Variants in CGGBP1 observed in about 807,000 individuals in gnomAD.
The protein encoded by CGGBP1 is CGG triplet repeat binding protein 1.
A neutral mutation model predicts 11.4 loss-of-function variants in CGGBP1; 4 were observed. That is an observed-to-expected ratio of 0.35 (90% CI 0.17 to 0.80). The LOEUF (loss-of-function observed/expected upper bound fraction) is 0.80, where lower values mean the gene tolerates loss of function less well. Among genes scored for constraint, CGGBP1 ranks in the 30% least tolerant of loss-of-function variants. The pLI, the probability that CGGBP1 is intolerant of heterozygous loss-of-function variation, is 0.52. For synonymous variants in CGGBP1, 76 were observed against 74.1 expected (o/e 1.03, Z -0.13); for missense variants, 135 against 202.1 (o/e 0.67, Z 2.01).
At chr3:88,070,825 C>T (rs1707470497) in intron 2 of CGGBP1, among the ~76,000 whole-genome samples, 2 of 152,078 alleles carry the variant, frequency 1.3e-5, no homozygotes. Flanking sequence ...AGCTGAGACT[C>T]AGAGAGATTA....
intron 1 of CGGBP1, chr3:88,142,436 T>C (rs768379694): frequency 6.6e-6 from 1 of 152,280 alleles, no homozygotes; most frequent in African/African-American, 2.4e-5. Flanking sequence ...TGGGGAGAGA[T>C]GAAAGGAATC....
At position 88,055,951 on chromosome 3, in the gene CGGBP1, G is replaced by A. The variant is rs2107559010; in HGVS notation, c.26C>T (p.Pro9Leu). Residue 9 changes from proline to leucine, a missense_variant, in exon 4 of 4, where the codon CCA becomes CTA. By Grantham distance (98) the Pro-to-Leu change is moderately conservative (BLOSUM62 -3). Coordinates refer to ENST00000482016, the MANE Select transcript of CGGBP1 (RefSeq NM_001008390.2). This position sits in a 1 kb window ranked among gnomAD's most constrained non-coding sequence, Gnocchi z 4.2. MERFVVTA[P>L]PARNRSKTAL... ...AGTCTTAGAACGGTTTCGAGCAGGT[G>A]GTGCTGTTACTACAAATCGCTCCAT... 1 of 1,612,718 alleles carries A rather than the reference G, an allele frequency of 6.2e-7. No homozygotes were observed. The highest frequency in any genetic ancestry group is 1.1e-5 in the South Asian group (1 of 90,962).
intron 2 of CGGBP1, among the ~76,000 whole-genome samples, chr3:88,112,071 T>G (rs1705124544): frequency 6.6e-6 from 1 of 151,960 alleles, no homozygotes. Context: ...ATCAGTTTGC[T>G]TTTGATTGGT....
intron 2 of CGGBP1, among the ~76,000 whole-genome samples, chr3:88,134,628 C>T (rs1041657362): frequency 6.6e-6 from 1 of 151,996 alleles, no homozygotes; most frequent in African/African-American, 2.4e-5. Context: ...ATCGTTAGTA[C>T]TTTTGATATC....
At position 88,052,323 on chromosome 3, in the gene CGGBP1, A is replaced by C. The variant is rs1441137172; in HGVS notation, c.*3150T>G. 4.6e-5 allele frequency: 7 copies of C among 152,650 alleles called. No homozygotes were observed. Among genetic ancestry groups the C allele is most frequent in the African/African-American group, 1.7e-4 (7 of 41,448 alleles). The allele number at this position is 152,650 out of a possible 1,614,324, so 9.5% of individuals were successfully genotyped here. ...TCTTTTAGGCTAAGATTGGCAAAAA[A>C]TCATAGACCCAATTTTCCTTGTTAT... On this transcript the variant is annotated 3_prime_UTR_variant, in exon 4 of 4. Transcript: ENST00000482016.
At chr3:88,128,352 C>G (rs976775967) in intron 2 of CGGBP1, among the ~76,000 whole-genome samples, 6 of 151,906 alleles carry the variant, frequency 3.9e-5, no homozygotes, top group African/African-American at 1.5e-4. Context: ...TTCATTAATT[C>G]AGATTACATC....
rs139133224 is a variant in CGGBP1, at chr3:88,081,314, G to A, written c.-228-23091C>T. ...TTATGTGGGGGTTTTCCACTGTAAT[G>A]TTACTGTCTTTATATCTGTACTGTC... On this transcript the variant is annotated intron_variant, in intron 2 of 3. Coordinates refer to the CGGBP1 transcript ENST00000462901. 1.7e-3 allele frequency among the ~76,000 whole-genome samples: 261 copies of A among 152,246 alleles called. 1 individual carries two copies. Among genetic ancestry groups the A allele is most frequent in the African/African-American group, 5.1e-3 (212 of 41,548 alleles).
At chr3:88,065,765 G>A (rs1392303281) in intron 2 of CGGBP1, among the ~76,000 whole-genome samples, 1 of 151,704 alleles carries the variant, frequency 6.6e-6, no homozygotes, top group Non-Finnish European at 1.5e-5. Context: ...TGGCTGTGTC[G>A]CTCAGGCTGG....
At chr3:88,121,224 T>G (rs1319223977) in intron 2 of CGGBP1, among the ~76,000 whole-genome samples, 1 of 152,164 alleles carries the variant, frequency 6.6e-6, no homozygotes, top group Non-Finnish European at 1.5e-5. Flanking sequence ...CAAATTTGTA[T>G]TCCTAAAGTC....
chr3:88,059,225 G>A (rs947103391), upstream of CGGBP1: 18 of 1,498,102 alleles, frequency 1.2e-5, no homozygotes, highest in Middle Eastern at 2.4e-4. Flanking sequence ...AGGAGGGAAG[G>A]GGGAGGGAAC....
chr3:88,080,339 GTTTTC>G (rs1210907535), intron 2 of CGGBP1, among the ~76,000 whole-genome samples: 6 of 151,934 alleles, frequency 3.9e-5, no homozygotes, highest in African/African-American at 9.7e-5. Flanking sequence ...TAATTTTGTT[GTTTTC>G]TTTTCTTAAA....
chr3:88,095,864 A>G (rs1392661105), intron 2 of CGGBP1: 1 of 453,620 alleles, frequency 2.2e-6, no homozygotes, highest in Non-Finnish European at 4.2e-6. Context: ...ACTTCAGCAG[A>G]TACTCCACTT....
chr3:88,105,795 A>G (rs1327590481), intron 2 of CGGBP1, among the ~76,000 whole-genome samples: 1 of 151,956 alleles, frequency 6.6e-6, no homozygotes, highest in Non-Finnish European at 1.5e-5. Context: ...TTTTTTTCAT[A>G]TCCTTTGGTA....
chr3:88,140,358 GAA>G, intron 2 of CGGBP1: 1 of 1,612,948 alleles, frequency 6.2e-7, no homozygotes, highest in Non-Finnish European at 8.5e-7. Flanking sequence ...TCCTAATCAG[GAA>G]AAAGACTCAT....
chr3:88,087,991 T>C (rs570865583), intron 2 of CGGBP1, among the ~76,000 whole-genome samples: 31 of 152,216 alleles, frequency 2.0e-4, no homozygotes, highest in Non-Finnish European at 3.4e-4. Context: ...TTAGGGATGC[T>C]CAATCAGTAA....
At chr3:88,112,433 A>G (rs958148696) in intron 2 of CGGBP1, among the ~76,000 whole-genome samples, 14 of 151,934 alleles carry the variant, frequency 9.2e-5, no homozygotes, top group African/African-American at 3.4e-4. Flanking sequence ...TGATTAGGAA[A>G]TCATTCATGT....
intron 2 of CGGBP1, chr3:88,138,645 A>G: frequency 1.0e-6 from 1 of 1,003,870 alleles, no homozygotes; most frequent in Non-Finnish European, 1.3e-6. Flanking sequence ...TTAAAGATAG[A>G]CTAGTATAAC....
intron 1 of CGGBP1, chr3:88,144,733 A>T (rs896771055): frequency 1.3e-5 from 2 of 152,402 alleles, no homozygotes; most frequent in African/African-American, 4.8e-5. Context: ...TTAAATGAAA[A>T]TGTCTATTAT....
chr3:88,081,399 C>T (rs1708068249), intron 2 of CGGBP1, among the ~76,000 whole-genome samples: 1 of 151,478 alleles, frequency 6.6e-6, no homozygotes, highest in South Asian at 2.1e-4. Context: ...TCCTGCTTCT[C>T]CTCAAATTTT....
Sources: allele counts gnomAD v4.1 joint callset (sites outside exome capture counted in the v4.1 genomes callset), GRCh38; gene constraint gnomAD v4.1.1; non-coding constraint Gnocchi (gnomAD v3.1); transcripts MANE v1.5; gene names NCBI Gene and HGNC (gene_info 2026-07-23, HGNC 2026-07-21).